The following PCCB variants were observed in gnomAD, a reference collection of about 807,000 sequenced individuals.
PCCB encodes the protein propionyl-CoA carboxylase beta chain, mitochondrial.
Under a neutral mutation model 60.7 loss-of-function variants are expected in PCCB, and 43 were observed. That is an observed-to-expected ratio of 0.71 (90% CI 0.55 to 0.91). PCCB has a LOEUF of 0.91. PCCB is among the 40% of genes least tolerant of loss of function. PCCB has a pLI of 0.00. For synonymous variants in PCCB, 276 were observed against 255.9 expected, an observed-to-expected ratio of 1.08 and a Z score of -0.75; for missense variants, 766 against 702.8, an observed-to-expected ratio of 1.09 and a Z score of -1.02.
chr3:136,309,279 A>G (rs925881798), intron 9 of PCCB, among the ~76,000 whole-genome samples: 1 of 151,466 alleles, frequency 6.6e-6, no homozygotes, highest in Non-Finnish European at 1.5e-5. Context: ...AAAAAAAAAA[A>G]AGAAAAGAAA....
chr3:136,300,196 T>TA (rs1934210963), intron 8 of PCCB, among the ~76,000 whole-genome samples: 1 of 151,976 alleles, frequency 6.6e-6, no homozygotes, highest in Non-Finnish European at 1.5e-5. Flanking sequence ...GTATGACAAG[T>TA]AAAAAGGGAG....
chr3:136,290,223 T>G (rs1281448132), intron 6 of PCCB, among the ~76,000 whole-genome samples: 1 of 152,186 alleles, frequency 6.6e-6, no homozygotes, highest in Non-Finnish European at 1.5e-5. Flanking sequence ...TGGCAGGAGA[T>G]TACCTCAAGT....
chr3:136,258,125 C>T (rs1941724364), intron 3 of PCCB, among the ~76,000 whole-genome samples: 1 of 151,932 alleles, frequency 6.6e-6, no homozygotes, highest in Non-Finnish European at 1.5e-5. Context: ...ACAGAAGGAA[C>T]CATTGAAAAG....
intron 9 of PCCB, among the ~76,000 whole-genome samples, chr3:136,311,728 G>C (rs1377894539): frequency 6.6e-6 from 1 of 152,154 alleles, no homozygotes; most frequent in East Asian, 1.9e-4. Context: ...AGGAAGCTGA[G>C]GAGGGAAGAT....
At chr3:136,265,495 A>C (rs1033741848) in intron 5 of PCCB, among the ~76,000 whole-genome samples, 6 of 152,066 alleles carry the variant, frequency 3.9e-5, no homozygotes, top group African/African-American at 1.4e-4. Flanking sequence ...GTTCCTTTTT[A>C]TTGGTGAATA....
At chr3:136,268,089 T>G (rs199807223) in intron 5 of PCCB, among the ~76,000 whole-genome samples, 18 of 13,934 alleles carry the variant, frequency 1.3e-3, no homozygotes, top group South Asian at 8.5e-3. Flanking sequence ...TGTGTGTAGA[T>G]ATATATATAT....
intron 6 of PCCB, among the ~76,000 whole-genome samples, chr3:136,284,306 A>G (rs1181006449): frequency 3.8e-5 from 2 of 53,194 alleles, no homozygotes; most frequent in Non-Finnish European, 7.4e-5. Flanking sequence ...GTTTATTGGG[A>G]AGTTGTTTCT....
chr3:136,295,977 G>C (rs1933916052), intron 7 of PCCB, among the ~76,000 whole-genome samples: 1 of 152,032 alleles, frequency 6.6e-6, no homozygotes, highest in African/African-American at 2.4e-5. Context: ...TGGGCCTGAG[G>C]CTCTTTGATG....
intron 5 of PCCB, 48 bp from the exon 6 acceptor site, chr3:136,283,789 C>A: frequency 8.0e-7 from 1 of 1,252,666 alleles, no homozygotes; most frequent in Non-Finnish European, 1.2e-6. Context: ...ACAGATAATG[C>A]CTCAAACATC....
intron 5 of PCCB, among the ~76,000 whole-genome samples, chr3:136,279,102 T>C (rs1942407350): frequency 1.3e-5 from 2 of 152,236 alleles, no homozygotes; most frequent in African/African-American, 2.4e-5. Flanking sequence ...GATAGTAATA[T>C]AGCCACCTAG....
intron 10 of PCCB, among the ~76,000 whole-genome samples, chr3:136,320,280 T>C (rs1356371007): frequency 6.6e-6 from 1 of 152,250 alleles, no homozygotes; most frequent in Non-Finnish European, 1.5e-5. Flanking sequence ...AGTAGATTAC[T>C]CTGAGTAGTA....
chr3:136,257,463 TATAAG>T (rs1407747559), intron 3 of PCCB, among the ~76,000 whole-genome samples: 2 of 152,242 alleles, frequency 1.3e-5, no homozygotes, highest in Non-Finnish European at 2.9e-5. Context: ...ATTATAGAAC[TATAAG>T]ATAATACATT....
chr3:136,277,154 C>T (rs1316789727), intron 5 of PCCB, among the ~76,000 whole-genome samples: 1 of 152,162 alleles, frequency 6.6e-6, no homozygotes, highest in African/African-American at 2.4e-5. Context: ...TCCTTGGTTA[C>T]AGAAAGCCTT....
chr3:136,285,468 C>T (rs564496101), intron 6 of PCCB, among the ~76,000 whole-genome samples: 10 of 152,250 alleles, frequency 6.6e-5, no homozygotes, highest in African/African-American at 2.4e-4. Flanking sequence ...TTGGCATACT[C>T]CTGTAGCTCT....
rs1296672355 is a variant in PCCB, at chr3:136,268,084, G to GTATATATA, written c.543+6021_543+6022insTATATATA. 9.8e-5 allele frequency among the ~76,000 whole-genome samples: 6 copies of GTATATATA among 60,940 alleles called. 1 individual carries two copies. The highest frequency in any genetic ancestry group is 1.6e-4 in the Non-Finnish European group (5 of 30,454). The allele number at this position is 60,940 out of a possible 152,430, so 40.0% of individuals were successfully genotyped here. On this transcript the variant is annotated intron_variant, in intron 5 of 14. Transcript: ENST00000251654. The stretch of plus-strand genomic sequence containing the variant: ...TGTGTGCGTGTGTGTGTGTGTGTGT[G>GTATATATA]TAGATATATATATATATATATATAT...
chr3:136,284,482 C>G (rs1157874797), intron 6 of PCCB, among the ~76,000 whole-genome samples: 1 of 152,070 alleles, frequency 6.6e-6, no homozygotes, highest in Admixed American at 6.6e-5. Flanking sequence ...TGAAGTTATA[C>G]ATGAGTAATT....
intron 1 of PCCB, chr3:136,255,332 G>A (rs1941642239): frequency 5.1e-6 from 1 of 195,234 alleles, no homozygotes; most frequent in Admixed American, 5.4e-5. Flanking sequence ...GTAGGAGAAG[G>A]AGAAGCCCAC....
intron 6 of PCCB, among the ~76,000 whole-genome samples, chr3:136,290,795 T>C (rs145516361): frequency 6.6e-6 from 1 of 150,812 alleles, no homozygotes; most frequent in Non-Finnish European, 1.5e-5. Context: ...TCTGTTCTTT[T>C]TTCTCTTTCT....
At chr3:136,261,724 G>C (rs1009982045) in intron 4 of PCCB, among the ~76,000 whole-genome samples, 2 of 152,240 alleles carry the variant, frequency 1.3e-5, no homozygotes, top group African/African-American at 2.4e-5. Flanking sequence ...CTAATGGGAA[G>C]TGCTTTGGCT....
Sources: allele counts gnomAD v4.1 joint callset (sites outside exome capture counted in the v4.1 genomes callset), GRCh38; gene constraint gnomAD v4.1.1; transcripts MANE v1.5; gene names NCBI Gene and HGNC (gene_info 2026-07-23, HGNC 2026-07-21).